CACNA1A: variants seen among roughly 807,000 people sequenced by gnomAD.
CACNA1A encodes calcium voltage-gated channel subunit alpha1 A, also known as voltage-dependent P/Q-type calcium channel subunit alpha-1A.
Under a neutral mutation model 262.4 loss-of-function variants are expected in CACNA1A, and 57 were observed. The ratio of observed to expected loss-of-function variants is 0.22; its 90% confidence interval spans 0.18 to 0.27. The LOEUF (loss-of-function observed/expected upper bound fraction) is 0.27. CACNA1A is among the 10% of genes least tolerant of loss of function. The pLI, the probability that CACNA1A is intolerant of heterozygous loss-of-function variation, is 1.00. For synonymous variants in CACNA1A, 1,431 were observed against 1,419.3 expected (o/e 1.01, Z -0.18); for missense variants, 2,526 against 3,562.8 (o/e 0.71, Z 7.41).
chr19:13,330,870 T>C (rs916327085), intron 9 of CACNA1A, among the ~76,000 whole-genome samples: 1 of 152,220 alleles, frequency 6.6e-6, no homozygotes, highest in Non-Finnish European at 1.5e-5. Context: ...ATTACAGGCG[T>C]GAGCCGCCCC....
chr19:13,378,645 C>CATTT (rs148141236), intron 3 of CACNA1A, among the ~76,000 whole-genome samples: 2,402 of 149,082 alleles, frequency 0.016, 47 homozygotes, highest in African/African-American at 0.05. Flanking sequence ...AGTAATAAAA[C>CATTT]ATTTATTTAT....
At chr19:13,382,599 TGA>T (rs1029619739) in intron 3 of CACNA1A, among the ~76,000 whole-genome samples, 13 of 152,128 alleles carry the variant, frequency 8.5e-5, no homozygotes, top group South Asian at 6.2e-4. Flanking sequence ...CTGTGGACAG[TGA>T]GAGTCATGTA....
intron 3 of CACNA1A, chr19:13,450,483 T>G (rs2060897140): frequency 6.6e-6 from 1 of 152,314 alleles, no homozygotes; most frequent in Non-Finnish European, 1.5e-5. Flanking sequence ...ATTTTTCCTC[T>G]GTACCCCTCA....
intron 3 of CACNA1A, among the ~76,000 whole-genome samples, chr19:13,438,065 T>C (rs1161103143): frequency 6.6e-6 from 1 of 152,214 alleles, no homozygotes; most frequent in East Asian, 1.9e-4. Context: ...TCTTTCCAGC[T>C]TGCTGTATGA....
chr19:13,347,137 C>A (rs1568558217), intron 6 of CACNA1A, among the ~76,000 whole-genome samples: 1 of 147,900 alleles, frequency 6.8e-6, no homozygotes. Context: ...CGGCTCACTG[C>A]AGCCCCAACC....
At chr19:13,417,050 T>A (rs1420073806) in intron 3 of CACNA1A, among the ~76,000 whole-genome samples, 1 of 152,170 alleles carries the variant, frequency 6.6e-6, no homozygotes, top group Admixed American at 6.5e-5. Context: ...TTTCCAAGAA[T>A]GGCTTTTGAT....
chr19:13,344,582 T>C (rs1330962123), intron 6 of CACNA1A, among the ~76,000 whole-genome samples: 2 of 152,234 alleles, frequency 1.3e-5, no homozygotes, highest in East Asian at 1.9e-4. Context: ...CATTTCAAGA[T>C]TGTCATCTTG....
rs182409906 is a variant in CACNA1A, at chr19:13,339,889, C to T, written c.979-3980G>A. On this transcript the variant is annotated intron_variant, in intron 6 of 46. Transcript: ENST00000360228. ...CCACCAGCCCACATCCTTGTTTTAA[C>T]GAGCTCAGAAATGCCAATGCTTTGC... 6.4e-4 allele frequency among the ~76,000 whole-genome samples: 98 copies of T among 152,174 alleles called. No homozygotes were observed. The East Asian group carries it at 0.015, about 24-fold the overall frequency.
Position 13,209,421 on chromosome 19 carries a change from C to T in CACNA1A, c.6417G>A (p.Ser2139=), listed in dbSNP as rs1174598861. 7.2e-7 allele frequency: 1 copy of T among 1,389,504 alleles called. No individual in the cohort carries two copies. 86.1% of individuals were successfully genotyped at this position (1,389,504 alleles called of 1,614,324 possible). A position where few individuals can be genotyped will look rare whatever the true frequency, so the allele number is the denominator to read the frequency against. ...GPKARRLDDY[S]LERVPPEENQ... ...TCTCCTCGGGCGGGACCCGCTCCAG[C>T]GAGTAATCGTCCAGGCGTCGGGCCT... Residue 2139 remains serine, a synonymous_variant, in exon 45 of 47, where the codon TCG becomes TCA. Transcript: ENST00000360228.
chr19:13,442,182 C>T (rs1430385110), intron 3 of CACNA1A, among the ~76,000 whole-genome samples: 1 of 152,044 alleles, frequency 6.6e-6, no homozygotes, highest in Non-Finnish European at 1.5e-5. Flanking sequence ...GGAGGTAATG[C>T]AAGGAATTAC....
rs753924411 is a variant in CACNA1A at position 13,255,155 on chromosome 19, C to T, written c.4695G>A (p.Pro1565=). ...TGGCCATGATCGTGTACTCGAAAGG[C>T]GGAGACACCACGAACTGCCACATGC... ...QYRMWQFVVS[P]PFEYTIMAMI... is the part of the protein sequence containing the mutation. The change falls in exon 29 of 47, where the codon CCG becomes CCA. Residue 1565 remains proline, a synonymous_variant. Transcript: ENST00000360228. 6.2e-6 allele frequency: 10 copies of T among 1,613,718 alleles called. No homozygotes were observed. Among genetic ancestry groups the T allele is most frequent in the Admixed American group, 1.7e-5 (1 of 59,988 alleles).
intron 31 of CACNA1A, among the ~76,000 whole-genome samples, chr19:13,242,063 C>A (rs1341342668): frequency 6.6e-6 from 1 of 152,162 alleles, no homozygotes; most frequent in Non-Finnish European, 1.5e-5. Context: ...TCCTTGCCTG[C>A]CAGGACATGC....
Position 13,299,201 on chromosome 19 carries a change from A to G in CACNA1A, c.2432T>C (p.Leu811Pro). 1 of 1,612,280 alleles carries G rather than the reference A, an allele frequency of 6.2e-7. No individual in the cohort carries two copies. The highest frequency in any genetic ancestry group is 8.5e-7 in the Non-Finnish European group (1 of 1,179,878). Residue 811 changes from leucine to proline, a missense_variant, in exon 19 of 47, where the codon CTG becomes CCG. Transcript: ENST00000360228. ...ERWKAAYTRH[L>P]RPDMKTHLDR... ...CAAGTGCGTCTTCATGTCTGGCCGC[A>G]GGTGCCGCGTGTAGGCAGCCTTCCA...
At chr19:13,405,102 G>C (rs1488902514) in intron 3 of CACNA1A, among the ~76,000 whole-genome samples, 1 of 151,992 alleles carries the variant, frequency 6.6e-6, no homozygotes, top group Non-Finnish European at 1.5e-5. Flanking sequence ...CACCATGTTG[G>C]CCAGGCTGGT....
At chr19:13,347,566 C>T (rs956954734) in intron 6 of CACNA1A, among the ~76,000 whole-genome samples, 27 of 152,182 alleles carry the variant, frequency 1.8e-4, no homozygotes, top group African/African-American at 4.1e-4. Flanking sequence ...TTCACTTACG[C>T]GCTTTATCTG....
intron 1 of CACNA1A, among the ~76,000 whole-genome samples, chr19:13,482,097 G>A (rs1476832970): frequency 6.6e-6 from 1 of 151,932 alleles, no homozygotes; most frequent in Non-Finnish European, 1.5e-5. Flanking sequence ...AAGGAAAGAA[G>A]TAAGGGAGAA....
intron 3 of CACNA1A, among the ~76,000 whole-genome samples, chr19:13,384,104 CCAT>C (rs2059567723): frequency 2.0e-5 from 3 of 152,196 alleles, no homozygotes; most frequent in African/African-American, 7.2e-5. Context: ...GCGTGAGCCA[CCAT>C]GCCTGGCCGT....
chr19:13,387,176 C>G (rs1054443211), intron 3 of CACNA1A, among the ~76,000 whole-genome samples: 2 of 152,114 alleles, frequency 1.3e-5, no homozygotes, highest in Non-Finnish European at 2.9e-5. Flanking sequence ...TTCTCAAACT[C>G]CTGACCTCAG....
intron 22 of CACNA1A, among the ~76,000 whole-genome samples, chr19:13,281,064 TTTAAGAATTG>T (rs1342022126): frequency 6.6e-6 from 1 of 152,058 alleles, no homozygotes; most frequent in African/African-American, 2.4e-5. Context: ...AAATTCAGTT[TTTAAGAATTG>T]GCCAGTGTTG....
Sources: gnomAD v4.1 joint callset for allele counts (sites outside exome capture counted in the v4.1 genomes callset) on GRCh38, gnomAD v4.1.1 for gene constraint, MANE v1.5 for transcripts, NCBI Gene and HGNC (gene_info 2026-07-23, HGNC 2026-07-21) for gene names.